Variants in STAU2 observed in about 807,000 individuals in gnomAD.
STAU2 encodes the protein staufen double-stranded RNA binding protein 2.
In STAU2, 20 loss-of-function variants were observed where a neutral mutation model predicts 65.9. The ratio of observed to expected loss-of-function variants is 0.30; its 90% CI spans 0.21 to 0.44. The LOEUF (loss-of-function observed/expected upper bound fraction) is 0.44. Among genes scored for constraint, STAU2 ranks in the 20% least tolerant of loss-of-function variants. The pLI, the probability that STAU2 is intolerant of heterozygous loss-of-function variation, is 1.00. For synonymous variants in STAU2, 232 were observed against 233.9 expected (o/e 0.99, Z 0.07); for missense variants, 558 against 683.9 (o/e 0.82, Z 2.05).
intron 4 of STAU2, among the ~76,000 whole-genome samples, chr8:73,706,990 T>G: frequency 6.6e-6 from 1 of 152,186 alleles, no homozygotes; most frequent in East Asian, 1.9e-4. Context: ...AGGCTGACCT[T>G]CCTTTACCAT....
intron 4 of STAU2, among the ~76,000 whole-genome samples, chr8:73,692,581 C>T (rs1819405985): frequency 6.6e-6 from 1 of 152,152 alleles, no homozygotes; most frequent in African/African-American, 2.4e-5. Context: ...ATGTGTTCCC[C>T]TGAGTCTTGT....
chr8:73,552,841 C>T (rs1176994471), intron 12 of STAU2, among the ~76,000 whole-genome samples: 3 of 152,152 alleles, frequency 2.0e-5, no homozygotes, highest in Non-Finnish European at 2.9e-5. Flanking sequence ...CTCTAACTCA[C>T]GAACACATAA....
chr8:73,687,348 A>AAATATAAATTAT (rs1563506860), intron 5 of STAU2, among the ~76,000 whole-genome samples: 97 of 29,756 alleles, frequency 3.3e-3, no homozygotes, highest in African/African-American at 9.2e-3. Flanking sequence ...TTATATTTAT[A>AAATATAAATTAT]ATTTATATAA....
rs1390084417 is a variant in STAU2, at chr8:73,605,918, C to T, written c.892-2055G>A. Among the ~76,000 whole-genome samples, 11 of 125,216 alleles carry T rather than the reference C, an allele frequency of 8.8e-5. 1 individual carries two copies. Among genetic ancestry groups the T allele is most frequent in the African/African-American group, 2.9e-4 (10 of 34,034 alleles). 82.1% of individuals were successfully genotyped at this position (125,216 alleles called of 152,430 possible). On this transcript the variant is annotated intron_variant, in intron 9 of 14. Transcript: ENST00000524300. ...ACACACACACACACACACACACACACGGTCACATGATTTTCAACAAAGGCA... is the reference window on the plus strand; with the variant it reads ...ACACACACACACACACACACACACATGGTCACATGATTTTCAACAAAGGCA...
At chr8:73,523,145 G>A (rs1016103532) in intron 13 of STAU2, among the ~76,000 whole-genome samples, 12 of 126,928 alleles carry the variant, frequency 9.5e-5, no homozygotes, top group Non-Finnish European at 1.3e-4. Flanking sequence ...GCAGTGAGCC[G>A]AAATCACGCC....
chr8:73,678,964 T>C (rs1202541997), intron 5 of STAU2, among the ~76,000 whole-genome samples: 1 of 152,180 alleles, frequency 6.6e-6, no homozygotes, highest in Non-Finnish European at 1.5e-5. Context: ...GTGATTTGAT[T>C]ATGAATATAA....
intron 5 of STAU2, among the ~76,000 whole-genome samples, chr8:73,676,261 C>T (rs1464841155): frequency 1.3e-5 from 2 of 152,160 alleles, no homozygotes; most frequent in Non-Finnish European, 2.9e-5. Flanking sequence ...TACTGAGTTA[C>T]AGTCACCAGG....
intron 6 of STAU2, among the ~76,000 whole-genome samples, chr8:73,649,559 A>C (rs1815667088): frequency 6.6e-6 from 1 of 152,070 alleles, no homozygotes; most frequent in Non-Finnish European, 1.5e-5. Flanking sequence ...AATTTATTCT[A>C]CTAATTCTTC....
chr8:73,739,787 ATCTT>A lies in STAU2; in HGVS notation c.-119_-116del. 6.6e-7 allele frequency: 1 copy of A among 1,525,126 alleles called. No homozygotes were observed. The highest frequency in any genetic ancestry group is 8.7e-7 in the Non-Finnish European group (1 of 1,144,008). The allele number at this position is 1,525,126 out of a possible 1,614,324, so 94.5% of individuals were successfully genotyped here. ...AGCCTTGGTTCAAATTACTTTGTGTATCTTTGAGTTCTTCTTTTTCTGTCTTCTT... is the reference window on the plus strand; with the variant it reads ...AGCCTTGGTTCAAATTACTTTGTGTATGAGTTCTTCTTTTTCTGTCTTCTT... On this transcript the variant is annotated 5_prime_UTR_variant, in exon 2 of 15. Coordinates refer to ENST00000524300, the MANE Select transcript of STAU2 (RefSeq NM_001164380.2).
chr8:73,664,228 T>A (rs758415016), intron 6 of STAU2, among the ~76,000 whole-genome samples: 1 of 152,124 alleles, frequency 6.6e-6, no homozygotes, highest in African/African-American at 2.4e-5. Context: ...TTGGTCATGT[T>A]TCCCAGGCTG....
intron 4 of STAU2, among the ~76,000 whole-genome samples, chr8:73,708,582 C>T (rs771907850): frequency 6.6e-6 from 1 of 152,108 alleles, no homozygotes; most frequent in Non-Finnish European, 1.5e-5. Flanking sequence ...TTAAATATCA[C>T]ATTGGAAAAG....
At chr8:73,709,334 C>G (rs1820730542) in intron 3 of STAU2, among the ~76,000 whole-genome samples, 172 bp from the exon 4 acceptor site, 1 of 151,926 alleles carries the variant, frequency 6.6e-6, no homozygotes, top group Admixed American at 6.6e-5. Flanking sequence ...AAATATGTAT[C>G]ACATTTTAAA....
At chr8:73,665,605 C>T (rs1043392302) in intron 6 of STAU2, among the ~76,000 whole-genome samples, 4 of 152,098 alleles carry the variant, frequency 2.6e-5, no homozygotes, top group Non-Finnish European at 5.9e-5. Context: ...GGAATAGTAA[C>T]CAAAGTGAGC....
At chr8:73,738,658 C>T (rs1806613547) in intron 2 of STAU2, among the ~76,000 whole-genome samples, 2 of 152,310 alleles carry the variant, frequency 1.3e-5, no homozygotes, top group South Asian at 4.1e-4. Context: ...CAGATCTGAA[C>T]AAAGCTCCTT....
intron 13 of STAU2, among the ~76,000 whole-genome samples, chr8:73,546,130 T>C (rs945992442): frequency 7.4e-6 from 1 of 134,498 alleles, no homozygotes; most frequent in Non-Finnish European, 1.6e-5. Context: ...TTTCTTTTTT[T>C]TTTTTTTTTT....
intron 3 of STAU2, among the ~76,000 whole-genome samples, chr8:73,732,145 G>A (rs1042564176): frequency 5.9e-5 from 9 of 152,148 alleles, no homozygotes; most frequent in African/African-American, 1.7e-4. Flanking sequence ...AAGAAGGCTC[G>A]TTCACATGCT....
chr8:73,619,949 G>A (rs191587292), intron 6 of STAU2, among the ~76,000 whole-genome samples: 28 of 151,980 alleles, frequency 1.8e-4, no homozygotes, highest in African/African-American at 4.1e-4. Flanking sequence ...TTAAGATAAC[G>A]CATTTTAAAT....
intron 4 of STAU2, among the ~76,000 whole-genome samples, chr8:73,702,891 A>G (rs1249159681): frequency 6.6e-6 from 1 of 152,184 alleles, no homozygotes; most frequent in South Asian, 2.1e-4. Flanking sequence ...CTGACTATAT[A>G]ACCTGTAGGC....
At chr8:73,603,146 T>C (rs1811767278) in intron 10 of STAU2, among the ~76,000 whole-genome samples, 1 of 152,086 alleles carries the variant, frequency 6.6e-6, no homozygotes, top group Admixed American at 6.5e-5. Context: ...TAGGTAGGGG[T>C]TGAAAAGGAG....
Sources: gnomAD v4.1 joint callset for allele counts (sites outside exome capture counted in the v4.1 genomes callset) on GRCh38, gnomAD v4.1.1 for gene constraint, MANE v1.5 for transcripts, NCBI Gene and HGNC (gene_info 2026-07-23, HGNC 2026-07-21) for gene names.